Variants in KIAA1217 observed in about 807,000 individuals in gnomAD.
KIAA1217 encodes KIAA1217, also known as sickle tail protein homolog.
A neutral mutation model predicts 163.9 loss-of-function variants in KIAA1217; 88 were observed. The ratio of observed to expected loss-of-function variants is 0.54; its 90% CI spans 0.45 to 0.64. The LOEUF (loss-of-function observed/expected upper bound fraction) is 0.64. Among genes scored for constraint, KIAA1217 ranks in the 30% least tolerant of loss-of-function variants. KIAA1217 has a pLI of 0.00. For synonymous variants in KIAA1217, 903 were observed against 923.1 expected (o/e 0.98, Z 0.39); for missense variants, 2,372 against 2,475.0 (o/e 0.96, Z 0.88).
chr10:24,499,001 G>T (rs1214196661), intron 8 of KIAA1217, among the ~76,000 whole-genome samples: 1 of 152,208 alleles, frequency 6.6e-6, no homozygotes, highest in Non-Finnish European at 1.5e-5. Context: ...TCCTTTGGCT[G>T]AGGAATTAGC....
chr10:24,437,357 C>A (rs536135165), intron 4 of KIAA1217, among the ~76,000 whole-genome samples: 1 of 152,140 alleles, frequency 6.6e-6, no homozygotes, highest in African/African-American at 2.4e-5. Flanking sequence ...CAATTACTGG[C>A]GGATATTTAA....
chr10:24,134,510 T>A (rs1270779354), intron 2 of KIAA1217, among the ~76,000 whole-genome samples: 5 of 152,204 alleles, frequency 3.3e-5, no homozygotes, highest in Non-Finnish European at 7.4e-5. Flanking sequence ...TGCGCTGACC[T>A]TCACAGTAGG....
chr10:24,328,803 C>T (rs917424552), intron 2 of KIAA1217, among the ~76,000 whole-genome samples: 1 of 151,794 alleles, frequency 6.6e-6, no homozygotes, highest in Admixed American at 6.6e-5. Flanking sequence ...GAACACCATA[C>T]CTACTACCAT....
At chr10:24,351,929 C>A (rs757907884) in intron 2 of KIAA1217, among the ~76,000 whole-genome samples, 2 of 152,200 alleles carry the variant, frequency 1.3e-5, no homozygotes, top group Non-Finnish European at 2.9e-5. Flanking sequence ...CTGCTGCTCA[C>A]AGGTCTGACC....
At position 24,511,172 on chromosome 10, in the gene KIAA1217, A is replaced by AAAAAAAG. The variant is rs1554918365; in HGVS notation, c.2002-2086_2002-2085insAAAAAGA. Among the ~76,000 whole-genome samples the AAAAAAAG allele has an allele frequency of 2.2e-4, 25 of 115,670 alleles. 5 individuals are homozygous for AAAAAAAG. The highest frequency in any genetic ancestry group is 5.5e-4 in the African/African-American group (15 of 27,118). The allele number at this position is 115,670 out of a possible 152,430, so 75.9% of individuals were successfully genotyped here. A position where few individuals can be genotyped will look rare whatever the true frequency, so the allele number is the denominator to read the frequency against. ...TGTCTCAAAAAAAAAAAAAAAAAAA[A>AAAAAAAG]AGGAGCCTGGCCCCTATGAAGAACT... On this transcript the variant is annotated intron_variant, in intron 9 of 20. Coordinates refer to ENST00000376454, the MANE Select transcript of KIAA1217 (RefSeq NM_019590.5).
chr10:24,269,504 A>G (rs2076573750), intron 2 of KIAA1217, among the ~76,000 whole-genome samples: 1 of 152,194 alleles, frequency 6.6e-6, no homozygotes, highest in South Asian at 2.1e-4. Flanking sequence ...AGCTTGGGCA[A>G]CAGAGTGATT....
chr10:23,931,946 A>T (rs1391603804), intron 1 of KIAA1217, among the ~76,000 whole-genome samples: 1 of 152,108 alleles, frequency 6.6e-6, no homozygotes, highest in Admixed American at 6.6e-5. Context: ...GGGACAAAAA[A>T]TGGGGCCAGT....
At chr10:23,976,720 C>T (rs1246364274) in intron 1 of KIAA1217, among the ~76,000 whole-genome samples, 1 of 152,182 alleles carries the variant, frequency 6.6e-6, no homozygotes, top group African/African-American at 2.4e-5. Context: ...CAAAGACATT[C>T]TGTATTCTCA....
chr10:23,943,706 T>C (rs929826463), intron 1 of KIAA1217, among the ~76,000 whole-genome samples: 19 of 152,230 alleles, frequency 1.2e-4, no homozygotes, highest in African/African-American at 4.6e-4. Flanking sequence ...AAATCCATAC[T>C]ACCTGATATC....
chr10:24,317,046 GAATTATA>G (rs2043475096), intron 2 of KIAA1217, among the ~76,000 whole-genome samples: 1 of 152,074 alleles, frequency 6.6e-6, no homozygotes, highest in Non-Finnish European at 1.5e-5. Context: ...GAAAAGGCTA[GAATTATA>G]AATTATTATA....
intron 2 of KIAA1217, among the ~76,000 whole-genome samples, chr10:24,052,831 A>G (rs1050817747): frequency 3.3e-5 from 5 of 152,054 alleles, no homozygotes; most frequent in Admixed American, 2.6e-4. Flanking sequence ...AATCTTGGCT[A>G]TTTAGGAGCA....
At chr10:23,786,503 C>T (rs183475042) in intron 1 of KIAA1217, among the ~76,000 whole-genome samples, 7 of 150,428 alleles carry the variant, frequency 4.7e-5, no homozygotes. Context: ...CCATTTCTAC[C>T]TCTCCCAAAA....
intron 1 of KIAA1217, among the ~76,000 whole-genome samples, chr10:23,711,241 G>A (rs12356038): frequency 0.39 from 59,303 of 152,022 alleles, 16,322 homozygotes; most frequent in African/African-American, 0.79. Context: ...AAAAGCTGTG[G>A]CTATTTTACC....
At chr10:24,073,099 G>C (rs2061246142) in intron 2 of KIAA1217, among the ~76,000 whole-genome samples, 1 of 151,566 alleles carries the variant, frequency 6.6e-6, no homozygotes, top group Non-Finnish European at 1.5e-5. Context: ...AGAAGCACTA[G>C]CTTTTCAAAC....
chr10:23,777,184 G>T (rs2130893563), intron 1 of KIAA1217, among the ~76,000 whole-genome samples: 1 of 152,304 alleles, frequency 6.6e-6, no homozygotes, highest in Middle Eastern at 3.4e-3. Flanking sequence ...GTGCTCTGAA[G>T]TTAAAGTTAA....
At chr10:23,853,563 T>G (rs1222044309) in intron 1 of KIAA1217, among the ~76,000 whole-genome samples, 3 of 152,214 alleles carry the variant, frequency 2.0e-5, no homozygotes, top group Non-Finnish European at 4.4e-5. Flanking sequence ...CTTTTTCTAT[T>G]GATTGCAATA....
At chr10:23,828,449 A>G (rs1000192185) in intron 1 of KIAA1217, among the ~76,000 whole-genome samples, 1 of 152,142 alleles carries the variant, frequency 6.6e-6, no homozygotes, top group Non-Finnish European at 1.5e-5. Context: ...TGGTGATCCT[A>G]TTACATTGAT....
At chr10:23,904,097 G>T (rs532766025) in intron 1 of KIAA1217, among the ~76,000 whole-genome samples, 1 of 152,048 alleles carries the variant, frequency 6.6e-6, no homozygotes, top group Admixed American at 6.5e-5. Context: ...ACTTTTTTTT[G>T]TATAAGTCTG....
intron 3 of KIAA1217, among the ~76,000 whole-genome samples, chr10:24,389,409 G>A (rs1313646485): frequency 1.3e-5 from 2 of 152,076 alleles, no homozygotes; most frequent in Non-Finnish European, 2.9e-5. Context: ...GGTGGGGTGG[G>A]GGAATGGGGG....
Sources: gnomAD v4.1 joint callset for allele counts (sites outside exome capture counted in the v4.1 genomes callset) on GRCh38, gnomAD v4.1.1 for gene constraint, MANE v1.5 for transcripts, NCBI Gene and HGNC (gene_info 2026-07-23, HGNC 2026-07-21) for gene names.